Variants in FHAD1 observed in about 807,000 individuals in gnomAD.
The protein encoded by FHAD1 is forkhead associated phosphopeptide binding domain 1.
A neutral mutation model predicts 191.3 loss-of-function variants in FHAD1; 146 were observed. That is an observed-to-expected ratio of 0.76 (90% CI 0.67 to 0.88). The LOEUF (loss-of-function observed/expected upper bound fraction) is 0.88, where lower values mean the gene tolerates loss of function less well. Among genes scored for constraint, FHAD1 ranks in the 40% least tolerant of loss-of-function variants. FHAD1 has a pLI of 0.00. For synonymous variants in FHAD1, 616 were observed against 672.3 expected (o/e 0.92, Z 1.29); for missense variants, 1,635 against 1,785.8 (o/e 0.92, Z 1.52).
At chr1:15,337,836 A>G (rs1002397564) in intron 14 of FHAD1, among the ~76,000 whole-genome samples, 2 of 151,956 alleles carry the variant, frequency 1.3e-5, no homozygotes, top group African/African-American at 4.8e-5. Context: ...GGAGTGACTC[A>G]GACCTCGAGT....
intron 23 of FHAD1, among the ~76,000 whole-genome samples, chr1:15,364,518 G>A (rs1418125266): frequency 1.3e-5 from 2 of 152,142 alleles, no homozygotes; most frequent in Admixed American, 1.3e-4. Flanking sequence ...GCTGAGGCAG[G>A]AGAATCACTT....
Position 15,339,478 on chromosome 1 carries a change from A to C in FHAD1, c.1907-3A>C. 2 of 1,250,194 alleles carry C rather than the reference A, an allele frequency of 1.6e-6. No individual in the cohort carries two copies. Among genetic ancestry groups the C allele is most frequent in the Non-Finnish European group, 2.1e-6 (2 of 953,242 alleles). The allele number at this position is 1,250,194 out of a possible 1,614,324, so 77.4% of individuals were successfully genotyped here. A position where few individuals can be genotyped will look rare whatever the true frequency, so the allele number is the denominator to read the frequency against. ...ACATTCTTCCTGCTTCTCTTTTTTT[A>C]AGGGTTCTCTTTGTATCTGATATAT... On this transcript the variant is annotated splice_region_variant and splice_polypyrimidine_tract_variant and intron_variant, in intron 14 of 33. Transcript: ENST00000688493.
chr1:15,340,142 T>C (rs1421147675), intron 15 of FHAD1, among the ~76,000 whole-genome samples: 2 of 152,200 alleles, frequency 1.3e-5, no homozygotes, highest in African/African-American at 4.8e-5. Flanking sequence ...CATCAGATTT[T>C]GAAAACTGTG....
At chr1:15,397,020 TAAAAAA>T (rs5772637) in intron 33 of FHAD1, among the ~76,000 whole-genome samples, 1 of 115,954 alleles carries the variant, frequency 8.6e-6, no homozygotes, top group Non-Finnish European at 1.8e-5. Context: ...CCGTCTCTAC[TAAAAAA>T]AAAAAAAAAA....
chr1:15,374,139 C>T (rs905428954), intron 26 of FHAD1, among the ~76,000 whole-genome samples: 1 of 152,218 alleles, frequency 6.6e-6, no homozygotes, highest in Non-Finnish European at 1.5e-5. Context: ...CATGGGTTCT[C>T]ATCTGAAAAT....
intron 2 of FHAD1, among the ~76,000 whole-genome samples, chr1:15,258,825 T>C (rs1364132318): frequency 6.6e-6 from 1 of 152,104 alleles, no homozygotes; most frequent in African/African-American, 2.4e-5. Context: ...TGACCTCAGG[T>C]GATCCGCCCG....
chr1:15,252,703 C>CA (rs2100803249), intron 2 of FHAD1, among the ~76,000 whole-genome samples: 1 of 152,322 alleles, frequency 6.6e-6, no homozygotes, highest in South Asian at 2.1e-4. Context: ...TTCAAGACCC[C>CA]ATGGGACTGC....
chr1:15,344,547 A>C (rs1025824420), intron 16 of FHAD1, among the ~76,000 whole-genome samples: 1 of 152,256 alleles, frequency 6.6e-6, no homozygotes, highest in African/African-American at 2.4e-5. Context: ...CAGCAAGCAC[A>C]GTGTTCCAAT....
chr1:15,251,279 A>AAC (rs1281310337), intron 1 of FHAD1, among the ~76,000 whole-genome samples: 1 of 110,352 alleles, frequency 9.1e-6, no homozygotes, highest in Non-Finnish European at 1.8e-5. Context: ...GTCTCAAAAA[A>AAC]AAAAAACAAA....
chr1:15,294,239 A>G (rs1174501889), intron 4 of FHAD1, among the ~76,000 whole-genome samples: 1 of 152,238 alleles, frequency 6.6e-6, no homozygotes, highest in Non-Finnish European at 1.5e-5. Context: ...GGACTCTTCA[A>G]ACAAAATGGT....
At chr1:15,296,938 A>C in intron 5 of FHAD1, 145 bp downstream of exon 5, 2 of 629,812 alleles carry the variant, frequency 3.2e-6, no homozygotes, top group Non-Finnish European at 2.7e-6. Context: ...ATTCAACCAA[A>C]TGTTTTATTC....
intron 20 of FHAD1, among the ~76,000 whole-genome samples, chr1:15,353,879 G>A (rs1158801554): frequency 2.0e-5 from 3 of 152,016 alleles, no homozygotes; most frequent in East Asian, 3.8e-4. Context: ...AATTGTAAAC[G>A]CAGTAGGAAT....
At chr1:15,280,269 A>G (rs1660118165) in intron 3 of FHAD1, among the ~76,000 whole-genome samples, 1 of 152,146 alleles carries the variant, frequency 6.6e-6, no homozygotes, top group Non-Finnish European at 1.5e-5. Flanking sequence ...AAGCTTTGTC[A>G]TCTCCCATCC....
intron 18 of FHAD1, among the ~76,000 whole-genome samples, chr1:15,347,413 G>A (rs1006615624): frequency 1.6e-4 from 24 of 152,328 alleles, no homozygotes; most frequent in Admixed American, 1.5e-3. Context: ...TTCCTATCGG[G>A]GGAATTTGAA....
Position 15,329,243 on chromosome 1 carries a change from G to A in FHAD1, c.1711-103G>A. The stretch of plus-strand genomic sequence containing the variant: ...CCCAAGGCGGCCAATACGTGGCGCT[G>A]CCTGCTTCGTGGCAGAGTCAAGAAC... On this transcript the variant is annotated intron_variant, in intron 13 of 33. Transcript: ENST00000688493. The surrounding 1 kb of genome is among the most constrained non-coding windows in gnomAD (Gnocchi z 5.0). The A allele has an allele frequency of 1.0e-6, 1 of 965,598 alleles. No individual in the cohort carries two copies. The highest frequency in any genetic ancestry group is 1.5e-6 in the Non-Finnish European group (1 of 678,062). The allele number at this position is 965,598 out of a possible 1,614,324, so 59.8% of individuals were successfully genotyped here.
chr1:15,394,073 C>T (rs558102593), intron 33 of FHAD1, among the ~76,000 whole-genome samples: 2 of 152,320 alleles, frequency 1.3e-5, no homozygotes, highest in South Asian at 2.1e-4. Context: ...TCTACCCCTG[C>T]CTTTTCATTC....
chr1:15,264,558 G>C lies in FHAD1; in HGVS notation c.94-7765G>C, dbSNP rs1652614313. 2.0e-5 allele frequency among the ~76,000 whole-genome samples: 3 copies of C among 146,860 alleles called. No homozygotes were observed. The South Asian group carries it at 6.4e-4, about 31-fold the overall frequency. On this transcript the variant is annotated intron_variant, in intron 2 of 33. Coordinates refer to ENST00000688493, the MANE Select transcript of FHAD1 (RefSeq NM_001391957.1). ...GTGTTATATGTATATATGTGTGTGT[G>C]TGTGTGTGTGTGTGTGTGTGATCTT...
chr1:15,243,342 G>A (rs1008196896), upstream of FHAD1, among the ~76,000 whole-genome samples: 34 of 152,242 alleles, frequency 2.2e-4, no homozygotes, highest in African/African-American at 7.5e-4. Context: ...TCTCTAGTGG[G>A]CCCTCTGCTC....
chr1:15,356,845 C>T (rs1447795895), intron 20 of FHAD1, among the ~76,000 whole-genome samples: 2 of 150,126 alleles, frequency 1.3e-5, no homozygotes, highest in Non-Finnish European at 3.0e-5. Context: ...GCACTCCAGC[C>T]TGGGCAACAG....
Sources: gnomAD v4.1 joint callset for allele counts (sites outside exome capture counted in the v4.1 genomes callset) on GRCh38, gnomAD v4.1.1 for gene constraint, Gnocchi (gnomAD v3.1) non-coding constraint, MANE v1.5 for transcripts, NCBI Gene and HGNC (gene_info 2026-07-23, HGNC 2026-07-21) for gene names.